The following LRMDA variants were observed in gnomAD, a reference collection of about 807,000 sequenced individuals.
LRMDA encodes the protein leucine rich melanocyte differentiation associated, also known as leucine-rich melanocyte differentiation-associated protein.
In LRMDA, 18 loss-of-function variants were observed where a neutral mutation model predicts 29.8. The ratio of observed to expected loss-of-function variants is 0.60; its 90% confidence interval spans 0.42 to 0.90. The LOEUF is 0.90. Ranked by LOEUF, LRMDA falls within the 40% of genes least tolerant of loss-of-function variation. LRMDA has a pLI of 0.00. For missense variants in LRMDA, 273 were observed against 273.9 expected (o/e 1.00, Z 0.02); for synonymous variants, 125 against 109.4 (o/e 1.14, Z -0.89).
At chr10:76,392,859 T>A (rs1841739099) in intron 6 of LRMDA, among the ~76,000 whole-genome samples, 1 of 152,038 alleles carries the variant, frequency 6.6e-6, no homozygotes, top group South Asian at 2.1e-4. Context: ...CTCCCAGCAG[T>A]CCCCAGTAAC....
intron 6 of LRMDA, among the ~76,000 whole-genome samples, chr10:76,357,656 C>G (rs1841258637): frequency 6.6e-6 from 1 of 152,068 alleles, no homozygotes; most frequent in South Asian, 2.1e-4. Flanking sequence ...CTGCAGAGAC[C>G]AACTTATCCA....
intron 5 of LRMDA, among the ~76,000 whole-genome samples, chr10:76,143,468 T>C (rs929639869): frequency 6.6e-6 from 1 of 151,956 alleles, no homozygotes; most frequent in Non-Finnish European, 1.5e-5. Context: ...TTTCATGTGT[T>C]TTTTGGCTGC....
chr10:76,181,569 T>A (rs1162035457), intron 5 of LRMDA, among the ~76,000 whole-genome samples: 1 of 152,110 alleles, frequency 6.6e-6, no homozygotes, highest in Non-Finnish European at 1.5e-5. Flanking sequence ...GAAGAGTGTT[T>A]TTGTTGGGGG....
At chr10:76,385,256 T>C (rs1841645513) in intron 6 of LRMDA, among the ~76,000 whole-genome samples, 1 of 152,172 alleles carries the variant, frequency 6.6e-6, no homozygotes. Context: ...ACCTGAAACT[T>C]TTATTTTGCT....
intron 5 of LRMDA, among the ~76,000 whole-genome samples, chr10:76,322,738 G>A (rs1341951365): frequency 6.6e-6 from 1 of 152,102 alleles, no homozygotes; most frequent in Non-Finnish European, 1.5e-5. Context: ...TTGGATTTTT[G>A]GGTCTTTTTT....
chr10:76,404,754 T>G (rs10824414), intron 6 of LRMDA, among the ~76,000 whole-genome samples: 7 of 152,168 alleles, frequency 4.6e-5, no homozygotes, highest in Admixed American at 1.3e-4. Flanking sequence ...TTTGACACTC[T>G]TAAAGGGACT....
intron 2 of LRMDA, among the ~76,000 whole-genome samples, chr10:75,730,751 T>G (rs1842686763): frequency 6.6e-6 from 1 of 152,220 alleles, no homozygotes; most frequent in East Asian, 1.9e-4. Context: ...AAACTTTCCT[T>G]TGGCACCTTG....
At chr10:76,483,209 A>G (rs1842748885) in intron 6 of LRMDA, among the ~76,000 whole-genome samples, 1 of 151,928 alleles carries the variant, frequency 6.6e-6, no homozygotes, top group African/African-American at 2.4e-5. Context: ...CTTAATTTTA[A>G]TGTAGCACAA....
At chr10:75,561,923 C>A (rs1273742874) in intron 2 of LRMDA, among the ~76,000 whole-genome samples, 4 of 152,060 alleles carry the variant, frequency 2.6e-5, no homozygotes, top group African/African-American at 7.3e-5. Flanking sequence ...TGTTCTTTTA[C>A]ATTTGGTGAG....
At chr10:75,914,929 T>C (rs114288578) in intron 2 of LRMDA, among the ~76,000 whole-genome samples, 2,673 of 151,988 alleles carry the variant, frequency 0.018, 82 homozygotes, top group African/African-American at 0.061. Flanking sequence ...AAAAGAAAAA[T>C]AAAATCCTCA....
At chr10:76,353,521 AC>A in intron 6 of LRMDA, among the ~76,000 whole-genome samples, 1 of 152,278 alleles carries the variant, frequency 6.6e-6, no homozygotes, top group African/African-American at 2.4e-5. Flanking sequence ...TCTGATGATG[AC>A]ACGTTCGAAG....
chr10:75,473,966 G>A (rs1729124047), intron 2 of LRMDA, among the ~76,000 whole-genome samples: 1 of 152,162 alleles, frequency 6.6e-6, no homozygotes, highest in African/African-American at 2.4e-5. Context: ...TCTGGGGTGA[G>A]GTCCAAGAGT....
rs1174074387 is a variant in LRMDA at position 76,557,962 on chromosome 10, A to C, written c.*674A>C. 1 of 152,274 alleles carries C rather than the reference A, an allele frequency of 6.6e-6. No homozygotes were observed. The highest frequency in any genetic ancestry group is 1.5e-5 in the Non-Finnish European group (1 of 68,148). The allele number at this position is 152,274 out of a possible 1,614,324, so 9.4% of individuals were successfully genotyped here. On this transcript the variant is annotated 3_prime_UTR_variant, in exon 7 of 7. Coordinates refer to ENST00000611255, the MANE Select transcript of LRMDA (RefSeq NM_001305581.2). ...TTATGGCTGGCTTCATGTTGCTACA[A>C]TCCCTTTATTGGCGTAAATAGCTTT...
chr10:75,747,014 G>A (rs576996476), intron 2 of LRMDA, among the ~76,000 whole-genome samples: 13 of 152,162 alleles, frequency 8.5e-5, no homozygotes, highest in Non-Finnish European at 1.3e-4. Context: ...AGATATCTAT[G>A]GGAATTAGAG....
intron 2 of LRMDA, among the ~76,000 whole-genome samples, chr10:75,500,231 A>G (rs1199398282): frequency 6.6e-6 from 1 of 152,164 alleles, no homozygotes; most frequent in Non-Finnish European, 1.5e-5. Flanking sequence ...GCTAATACAC[A>G]TGCACACACA....
intron 2 of LRMDA, among the ~76,000 whole-genome samples, chr10:75,485,489 A>G (rs1221185593): frequency 6.6e-6 from 1 of 152,046 alleles, no homozygotes; most frequent in African/African-American, 2.4e-5. Context: ...CTCCACCTTC[A>G]GAGCTTAAGT....
chr10:75,554,660 G>A (rs920907208), intron 2 of LRMDA, among the ~76,000 whole-genome samples: 3 of 152,178 alleles, frequency 2.0e-5, no homozygotes, highest in African/African-American at 4.8e-5. Context: ...GTTTAAAGAC[G>A]TTGAAAGTGG....
At chr10:75,914,737 G>A (rs1845901270) in intron 2 of LRMDA, among the ~76,000 whole-genome samples, 1 of 152,166 alleles carries the variant, frequency 6.6e-6, no homozygotes, top group Admixed American at 6.5e-5. Flanking sequence ...GTTGAATCAT[G>A]TGTATTTGGT....
At chr10:76,276,006 A>AAGCT (rs1840126546) in intron 5 of LRMDA, among the ~76,000 whole-genome samples, 1 of 146,724 alleles carries the variant, frequency 6.8e-6, no homozygotes, top group Non-Finnish European at 1.5e-5. Context: ...CAATCTAGTG[A>AAGCT]ATCTATCTAT....
Sources: gnomAD v4.1 joint callset for allele counts (sites outside exome capture counted in the v4.1 genomes callset) on GRCh38, gnomAD v4.1.1 for gene constraint, MANE v1.5 for transcripts, NCBI Gene and HGNC (gene_info 2026-07-23, HGNC 2026-07-21) for gene names.